The following ABCC12 variants were observed in gnomAD, a reference collection of about 807,000 sequenced individuals.
The protein encoded by ABCC12 is ATP binding cassette subfamily C member 12.
Under a neutral mutation model 151.1 loss-of-function variants are expected in ABCC12, and 142 were observed. The observed-to-expected ratio is 0.94, with a 90% CI of 0.82 to 1.08. The LOEUF (loss-of-function observed/expected upper bound fraction) is 1.08. Ranked by LOEUF, ABCC12 falls within the 50% of genes least tolerant of loss-of-function variation. The pLI is 0.00. For synonymous variants in ABCC12, 645 were observed against 646.4 expected (o/e 1.00, Z 0.03); for missense variants, 1,638 against 1,691.1 (o/e 0.97, Z 0.55).
chr16:48,145,329 T>G (rs1203907463), intron 3 of ABCC12, among the ~76,000 whole-genome samples: 1 of 152,190 alleles, frequency 6.6e-6, no homozygotes, highest in Non-Finnish European at 1.5e-5. Context: ...CAGCATTTCA[T>G]AATGTTATGG....
chr16:48,097,781 C>T (rs1435013273), intron 23 of ABCC12, among the ~76,000 whole-genome samples: 4 of 152,140 alleles, frequency 2.6e-5, no homozygotes, highest in African/African-American at 9.7e-5. Context: ...TGAGGGCTGC[C>T]AGGCAGAACT....
At chr16:48,090,401 CTTTTTTTT>C (rs1011013161) in intron 25 of ABCC12, among the ~76,000 whole-genome samples, 11 of 118,950 alleles carry the variant, frequency 9.2e-5, no homozygotes, top group East Asian at 7.4e-4. Context: ...CAAATTTGAA[CTTTTTTTT>C]TTTTTTTTTT....
In ABCC12 at chr16:48,104,825, C is replaced by A. The variant is rs559725781; in HGVS notation, c.2673+314G>T. ...AATGCAGAGGGGGCTGGAAGGATCT[C>A]TTGAGGGCCGTGTCGCACTCAGGGC... On this transcript the variant is annotated intron_variant, in intron 21 of 30. Transcript: ENST00000311303. 8.5e-5 allele frequency among the ~76,000 whole-genome samples: 13 copies of A among 152,340 alleles called. No homozygotes were observed. The South Asian group carries it at 2.7e-3, about 32-fold the overall frequency.
At chr16:48,145,679 G>A (rs1047835993) in intron 3 of ABCC12, among the ~76,000 whole-genome samples, 3 of 152,332 alleles carry the variant, frequency 2.0e-5, no homozygotes, top group Admixed American at 6.5e-5. Context: ...CTGTGTGACC[G>A]AGCCTGGGCT....
chr16:48,102,881 G>A (rs185393108), intron 22 of ABCC12, among the ~76,000 whole-genome samples: 5 of 152,066 alleles, frequency 3.3e-5, no homozygotes, highest in African/African-American at 7.2e-5. Flanking sequence ...TCCACCAGAC[G>A]TGGGAAGTGA....
chr16:48,145,517 C>T (rs1030593406), intron 3 of ABCC12, among the ~76,000 whole-genome samples: 2 of 152,174 alleles, frequency 1.3e-5, no homozygotes, highest in African/African-American at 2.4e-5. Context: ...ATCAAAAAGT[C>T]GAGTCTGTTT....
At chr16:48,096,696 A>G (rs530897385) in intron 24 of ABCC12, 50 bp downstream of exon 24, 1 of 1,594,768 alleles carries the variant, frequency 6.3e-7, no homozygotes, top group Admixed American at 1.7e-5. Flanking sequence ...TCGCTGATGT[A>G]TTACAGGCCG....
intron 15 of ABCC12, among the ~76,000 whole-genome samples, chr16:48,114,571 A>C (rs1446216493): frequency 1.3e-5 from 2 of 152,124 alleles, no homozygotes; most frequent in Non-Finnish European, 2.9e-5. Flanking sequence ...AGTCAATCCC[A>C]AGGAATCTCT....
rs756821614 is a variant in ABCC12, at chr16:48,117,231, C to T, written c.1785+30G>A. The T allele has an allele frequency of 6.9e-6, 11 of 1,604,454 alleles. No homozygotes were observed. In the South Asian group the frequency reaches 1.0e-4, roughly 15 times the overall value. On this transcript the variant is annotated intron_variant, in intron 14 of 30. Transcript: ENST00000311303. ...TGAGCAAATGTACTGTGTGCAGCTA[C>T]AGTGGGCTTGCGCTCCCAGCCCCGC...
chr16:48,146,367 A>T lies in ABCC12; in HGVS notation c.58T>A (p.Ser20Thr), dbSNP rs1488268028. 25 of 1,613,862 alleles carry T rather than the reference A, an allele frequency of 1.5e-5. No individual in the cohort carries two copies. Among genetic ancestry groups the T allele is most frequent in the Non-Finnish European group, 1.7e-5 (20 of 1,179,988 alleles). The change falls in exon 3 of 31, where the codon TCC becomes ACC. Residue 20 changes from serine to threonine, a missense_variant. Physicochemically the swap from Ser to Thr is moderately conservative, Grantham distance 58. Coordinates refer to ENST00000311303, the MANE Select transcript of ABCC12 (RefSeq NM_001393797.1). ...CTGGGGTCATATCTTTCTGCAAAGGATCTCCGCCGGCCTCGCTGGTCCAGA... is the reference window on the plus strand; with the variant it reads ...CTGGGGTCATATCTTTCTGCAAAGGTTCTCCGCCGGCCTCGCTGGTCCAGA... ...SDLDQRGRRR[S>T]FAERYDPSLK...
At chr16:48,144,520 G>A (rs1964934412) in intron 3 of ABCC12, among the ~76,000 whole-genome samples, 1 of 151,530 alleles carries the variant, frequency 6.6e-6, no homozygotes, top group Non-Finnish European at 1.5e-5. Flanking sequence ...ACCCCCAGGG[G>A]CAAAACTTCA....
At chr16:48,089,577 G>A (rs992714118) in intron 25 of ABCC12, among the ~76,000 whole-genome samples, 1 of 152,302 alleles carries the variant, frequency 6.6e-6, no homozygotes, top group African/African-American at 2.4e-5. Flanking sequence ...TAGGGATCCC[G>A]TGTGCCCCAT....
At position 48,100,901 on chromosome 16, in the gene ABCC12, G is replaced by A. The variant is rs759196279; in HGVS notation, c.3009C>T (p.Ala1003=). The change falls in exon 23 of 31, where the codon GCC becomes GCT. Residue 1003 remains alanine (A), a synonymous_variant. Transcript: ENST00000311303. The part of the protein sequence containing the change: ...SSMQGLGIIH[A]YGKKESCITY... ...TGATGCAGCTCTCCTTCTTGCCATA[G>A]GCGTGAATGATGCCCAGGCCCTGCA... is the stretch of plus-strand genomic sequence containing the variant. The A allele has an allele frequency of 5.0e-6, 8 of 1,614,088 alleles. No individual in the cohort carries two copies. Among genetic ancestry groups the A allele is most frequent in the Non-Finnish European group, 6.8e-6 (8 of 1,180,048 alleles).
In ABCC12 at chr16:48,108,746, T is replaced by G. The variant is rs1223706379; in HGVS notation, c.2282-217A>C. ...CCTGTGAAGTAAGCTTCTGGTCTCT[T>G]GAGAAATATTTATTAAGCACCTACT... is the stretch of plus-strand genomic sequence containing the variant. On this transcript the variant is annotated intron_variant, in intron 18 of 30. Transcript: ENST00000311303. Among the ~76,000 whole-genome samples the G allele has an allele frequency of 7.2e-5, 11 of 152,254 alleles. No homozygotes were observed. In the East Asian group the frequency reaches 2.1e-3, roughly 29 times the overall value.
At position 48,105,121 on chromosome 16, in the gene ABCC12, C is replaced by T; in HGVS notation, c.2673+18G>A. ...TTGACTGAATAACTGGGTACACCTG[C>T]AATGCTTGTGGCCCTACCTTATCAA... On this transcript the variant is annotated intron_variant, in intron 21 of 30. Transcript: ENST00000311303. 1.9e-6 allele frequency: 3 copies of T among 1,614,004 alleles called. No individual in the cohort carries two copies. Among genetic ancestry groups the T allele is most frequent in the Non-Finnish European group, 2.5e-6 (3 of 1,179,918 alleles).
chr16:48,151,694 C>T (rs1420573225), intron 2 of ABCC12, among the ~76,000 whole-genome samples: 2 of 152,148 alleles, frequency 1.3e-5, no homozygotes, highest in African/African-American at 2.4e-5. Context: ...AATGGGAACA[C>T]TCTACACCAA....
rs140720946 is a variant in ABCC12 at position 48,143,233 on chromosome 16, C to T, written c.275+677G>A. On this transcript the variant is annotated intron_variant, in intron 4 of 30. Coordinates refer to ENST00000311303, the MANE Select transcript of ABCC12 (RefSeq NM_001393797.1). ...CAGGGCAAAGTGAGATTCCAGCCAC[C>T]TCTGTCCTGATGCGGTGCCCCTGCA... Among the ~76,000 whole-genome samples the T allele has an allele frequency of 5.4e-4, 83 of 152,298 alleles. 1 individual carries two copies. The East Asian group carries it at 0.014, about 26-fold the overall frequency.
At chr16:48,105,803 G>A (rs1963473994) in intron 20 of ABCC12, among the ~76,000 whole-genome samples, 1 of 152,198 alleles carries the variant, frequency 6.6e-6, no homozygotes, top group African/African-American at 2.4e-5. Flanking sequence ...GGCCTTCAGG[G>A]CAACTCGGGG....
chr16:48,086,866 G>A (rs376228764), intron 27 of ABCC12, 47 bp from the exon 28 acceptor site: 357 of 1,502,958 alleles, frequency 2.4e-4, no homozygotes, highest in South Asian at 3.9e-4. Context: ...TTCCAAGGAC[G>A]AGAGGATGGA....
Sources: gnomAD v4.1 joint callset for allele counts (sites outside exome capture counted in the v4.1 genomes callset) on GRCh38, gnomAD v4.1.1 for gene constraint, MANE v1.5 for transcripts, NCBI Gene and HGNC (gene_info 2026-07-23, HGNC 2026-07-21) for gene names.